The following STK10 variants were observed in gnomAD, a reference collection of about 807,000 sequenced individuals.
STK10 encodes the protein serine/threonine kinase 10.
Under a neutral mutation model 113.8 loss-of-function variants are expected in STK10, and 78 were observed. That is an observed-to-expected ratio of 0.69 (90% CI 0.57 to 0.83). STK10 has a LOEUF of 0.83. STK10 is among the 40% of genes least tolerant of loss of function. STK10 has a pLI of 0.00. For synonymous variants in STK10, 465 were observed against 494.7 expected (o/e 0.94, Z 0.80); for missense variants, 1,109 against 1,280.1 (o/e 0.87, Z 2.04).
intron 17 of STK10, 147 bp downstream of exon 17, chr5:172,054,422 C>T: frequency 8.2e-7 from 1 of 1,214,234 alleles, no homozygotes; most frequent in Non-Finnish European, 1.1e-6. Context: ...AGCCCTAGAG[C>T]AGCATGGCAG....
At chr5:172,179,903 C>A (rs893268596) in intron 1 of STK10, among the ~76,000 whole-genome samples, 10 of 152,100 alleles carry the variant, frequency 6.6e-5, no homozygotes, top group Non-Finnish European at 1.2e-4. Context: ...CCTGGGAGGG[C>A]TCCTACCTCA....
intron 2 of STK10, among the ~76,000 whole-genome samples, chr5:172,143,166 G>C (rs949966292): frequency 1.3e-5 from 2 of 152,218 alleles, no homozygotes; most frequent in African/African-American, 4.8e-5. Context: ...AGGAGTTTGA[G>C]ACCAGCCTGG....
At chr5:172,059,455 A>AAG (rs1767882364) in intron 14 of STK10, among the ~76,000 whole-genome samples, 2 of 146,482 alleles carry the variant, frequency 1.4e-5, no homozygotes, top group African/African-American at 5.2e-5. Flanking sequence ...AAAAAAAAAA[A>AAG]AGCTCAAACC....
intron 4 of STK10, among the ~76,000 whole-genome samples, chr5:172,112,416 C>CTTTTTTT (rs1159424183): frequency 9.7e-6 from 1 of 103,072 alleles, no homozygotes; most frequent in Non-Finnish European, 1.9e-5. Flanking sequence ...AGGGACCTTA[C>CTTTTTTT]TTTTTTTTTT....
intron 17 of STK10, chr5:172,053,260 T>C: frequency 1.9e-6 from 1 of 518,126 alleles, no homozygotes; most frequent in South Asian, 2.3e-5. Context: ...TCTTATTAAC[T>C]CTGTGGTGGG....
chr5:172,152,580 T>G (rs370814371), intron 2 of STK10, among the ~76,000 whole-genome samples: 9 of 152,292 alleles, frequency 5.9e-5, no homozygotes, highest in African/African-American at 1.9e-4. Context: ...TGCTACTGAG[T>G]GTTCGAAATG....
intron 12 of STK10, among the ~76,000 whole-genome samples, chr5:172,078,787 A>C (rs55794410): frequency 0.21 from 32,043 of 151,886 alleles, 4,394 homozygotes; most frequent in African/African-American, 0.38. Context: ...CCTCGTTCAG[A>C]GGCAGGCTCG....
At chr5:172,117,388 T>C in intron 4 of STK10, 93 bp downstream of exon 4, 1 of 1,507,370 alleles carries the variant, frequency 6.6e-7, no homozygotes, top group Non-Finnish European at 9.0e-7. Flanking sequence ...CACACCCCCA[T>C]GAGGTCCACA....
At chr5:172,065,811 G>A (rs559886564) in intron 12 of STK10, among the ~76,000 whole-genome samples, 1 of 152,316 alleles carries the variant, frequency 6.6e-6, no homozygotes, top group East Asian at 1.9e-4. Context: ...TCAGCCCCTG[G>A]AGGGGACTGC....
At chr5:172,076,934 G>GCACCGAAAACACGAAGAAAGA in intron 12 of STK10, among the ~76,000 whole-genome samples, 1 of 152,288 alleles carries the variant, frequency 6.6e-6, no homozygotes, top group African/African-American at 2.4e-5. Context: ...TCTGCCAAAG[G>GCACCGAAAACACGAAGAAAGA]CACCAAAAAC....
chr5:172,156,926 T>A, intron 1 of STK10, 138 bp from the exon 2 acceptor site: 1 of 939,758 alleles, frequency 1.1e-6, no homozygotes, highest in Non-Finnish European at 1.6e-6. Flanking sequence ...ACATTGTTCT[T>A]AACAATAGCC....
chr5:172,176,532 T>G (rs114600860), intron 1 of STK10, among the ~76,000 whole-genome samples: 44 of 152,152 alleles, frequency 2.9e-4, no homozygotes, highest in South Asian at 1.2e-3. Flanking sequence ...ACCACCTTAG[T>G]TTTGGGCAGC....
chr5:172,074,955 G>GT (rs1162281107), intron 12 of STK10, among the ~76,000 whole-genome samples: 1 of 151,838 alleles, frequency 6.6e-6, no homozygotes, highest in Non-Finnish European at 1.5e-5. Context: ...CGAGCTGCAG[G>GT]GTGCAAGTAA....
chr5:172,146,611 T>C (rs1241395709), intron 2 of STK10, among the ~76,000 whole-genome samples: 2 of 152,062 alleles, frequency 1.3e-5, no homozygotes, highest in South Asian at 2.1e-4. Flanking sequence ...CATGTACCTA[T>C]GTAGAGGGGC....
chr5:172,076,152 G>A (rs1581142774), intron 12 of STK10, among the ~76,000 whole-genome samples: 1 of 148,944 alleles, frequency 6.7e-6, no homozygotes, highest in Non-Finnish European at 1.5e-5. Context: ...GCTGTCCTGT[G>A]CATTTGTTGT....
At chr5:172,113,039 C>T (rs1257231163) in intron 4 of STK10, among the ~76,000 whole-genome samples, 4 of 152,168 alleles carry the variant, frequency 2.6e-5, no homozygotes, top group Admixed American at 2.6e-4. Context: ...TGAGCCAACG[C>T]GCCCGACCCA....
At chr5:172,166,598 A>G (rs1770575693) in intron 1 of STK10, among the ~76,000 whole-genome samples, 1 of 152,222 alleles carries the variant, frequency 6.6e-6, no homozygotes, top group South Asian at 2.1e-4. Context: ...AGAGGCCAAC[A>G]GCAACTATGG....
chr5:172,086,310 T>TAG (rs1435381498), intron 10 of STK10, among the ~76,000 whole-genome samples: 2 of 152,170 alleles, frequency 1.3e-5, no homozygotes, highest in Non-Finnish European at 2.9e-5. Flanking sequence ...TCTGAGCCTC[T>TAG]GCTTTTCTGG....
At chr5:172,050,965 C>T (rs1402045565) in intron 18 of STK10, among the ~76,000 whole-genome samples, 2 of 151,956 alleles carry the variant, frequency 1.3e-5, no homozygotes, top group African/African-American at 4.8e-5. Context: ...AATCCCAGCA[C>T]TTTAGGAGTG....
Sources: gnomAD v4.1 joint callset for allele counts (sites outside exome capture counted in the v4.1 genomes callset) on GRCh38, gnomAD v4.1.1 for gene constraint, MANE v1.5 for transcripts, NCBI Gene and HGNC (gene_info 2026-07-23, HGNC 2026-07-21) for gene names.